DMD: variants seen among roughly 807,000 people sequenced by gnomAD.
The protein encoded by DMD is dystrophin.
A neutral mutation model predicts 330.1 loss-of-function variants in DMD; 63 were observed. The observed-to-expected ratio is 0.19, with a 90% confidence interval of 0.16 to 0.24. The LOEUF is 0.24. Ranked by LOEUF, DMD falls within the 10% of genes least tolerant of loss-of-function variation. The pLI, the probability that DMD is intolerant of heterozygous loss-of-function variation, is 1.00. For missense variants in DMD, 3,344 were observed against 2,684.1 expected, an observed-to-expected ratio of 1.25 and a Z score of -5.43; for synonymous variants, 1,223 against 959.8, an observed-to-expected ratio of 1.27 and a Z score of -5.07.
chrX:32,687,970 A>G (rs1318674316), intron 9 of DMD, among the ~76,000 whole-genome samples: 6 of 111,586 alleles, frequency 5.4e-5, no homozygotes, highest in Non-Finnish European at 9.4e-5. Context: ...AAAATAATAA[A>G]ACATAAAAAT....
intron 59 of DMD, among the ~76,000 whole-genome samples, chrX:31,472,519 A>C (rs951244674): frequency 8.9e-6 from 1 of 112,414 alleles, no homozygotes; most frequent in Non-Finnish European, 1.9e-5. Flanking sequence ...CTAATACATT[A>C]TATCACATTT....
rs112938325 is a variant in DMD, at chrX:32,838,787, G to A, written c.264+5996C>T. Among the ~76,000 whole-genome samples the A allele has an allele frequency of 7.7e-3, 869 of 112,138 alleles. 8 individuals carry two copies. The highest frequency in any genetic ancestry group is 0.027 in the African/African-American group (830 of 30,846). On this transcript the variant is annotated intron_variant, in intron 4 of 78. Coordinates refer to ENST00000357033, the MANE Select transcript of DMD (RefSeq NM_004006.3). ...TAAAAAGTCAGCAAAAGATGCTGGA[G>A]AGAATATGGAGAAATAGGAATGCTT...
At chrX:32,378,949 C>T (rs1238318372) in intron 34 of DMD, among the ~76,000 whole-genome samples, 1 of 109,048 alleles carries the variant, frequency 9.2e-6, no homozygotes, top group African/African-American at 3.3e-5. Flanking sequence ...GAATGATTAT[C>T]ATAAATGTGA....
At chrX:31,887,437 T>C (rs62587673) in intron 47 of DMD, among the ~76,000 whole-genome samples, 14,138 of 111,767 alleles carry the variant, frequency 0.13, 948 homozygotes, top group Admixed American at 0.33. Flanking sequence ...TCTGACGCTA[T>C]CTTCCATTCT....
At chrX:33,163,636 C>CTATGTATCTATGTATCTATG (rs1330495514) in intron 1 of DMD, among the ~76,000 whole-genome samples, 6 of 103,826 alleles carry the variant, frequency 5.8e-5, no homozygotes, top group South Asian at 4.2e-4. Flanking sequence ...ATCTATCTAT[C>CTATGTATCTATGTATCTATG]TATCTATCTA....
In DMD at chrX:32,377,949, C is replaced by T. The variant is rs191889741; in HGVS notation, c.4845+2561G>A. ...TCATAGAATTGCTTTTCCTGAATGG[C>T]CCTTTAGCACTAAATTTTTCTTTTT... On this transcript the variant is annotated intron_variant, in intron 34 of 78. Coordinates refer to ENST00000357033, the MANE Select transcript of DMD (RefSeq NM_004006.3). 2.7e-5 allele frequency among the ~76,000 whole-genome samples: 3 copies of T among 110,701 alleles called. No individual in the cohort carries two copies. The East Asian group carries it at 8.5e-4, about 31-fold the overall frequency.
At chrX:32,701,554 A>AC (rs1489323718) in intron 7 of DMD, among the ~76,000 whole-genome samples, 1 of 111,564 alleles carries the variant, frequency 9.0e-6, no homozygotes, top group Non-Finnish European at 1.9e-5. Flanking sequence ...TAGATACTAT[A>AC]CTTCACCGTA....
chrX:31,737,657 A>C (rs1603457403), intron 51 of DMD, among the ~76,000 whole-genome samples: 1 of 112,506 alleles, frequency 8.9e-6, no homozygotes, highest in East Asian at 2.8e-4. Flanking sequence ...TCAACCTCCT[A>C]GGGTAGAACA....
intron 2 of DMD, among the ~76,000 whole-genome samples, chrX:33,006,952 C>T (rs7877637): frequency 0.12 from 13,052 of 109,980 alleles, 1,618 homozygotes; most frequent in African/African-American, 0.37. Context: ...TTTTAGTCCA[C>T]CAGCAAATCC....
intron 2 of DMD, among the ~76,000 whole-genome samples, chrX:32,992,906 CA>C (rs34177386): frequency 0.1 from 3,543 of 35,449 alleles, 98 homozygotes; most frequent in African/African-American, 0.2. Context: ...AGCTCTGTCT[CA>C]AAAAAAAAAA....
At chrX:32,443,662 C>G (rs1192380006) in intron 27 of DMD, among the ~76,000 whole-genome samples, 1 of 110,965 alleles carries the variant, frequency 9.0e-6, no homozygotes, top group Non-Finnish European at 1.9e-5. Context: ...AAGGACACAG[C>G]TGGAGAGGCT....
chrX:32,375,397 A>C (rs1011502132), intron 34 of DMD, among the ~76,000 whole-genome samples: 2 of 112,375 alleles, frequency 1.8e-5, no homozygotes, highest in Admixed American at 1.9e-4. Context: ...TGCTCTTTTG[A>C]AACCAATAAT....
At chrX:33,275,537 C>T (rs2053220562) in intron 1 of DMD, among the ~76,000 whole-genome samples, 1 of 111,770 alleles carries the variant, frequency 8.9e-6, no homozygotes, top group African/African-American at 3.3e-5. Context: ...CTGGGACAAG[C>T]TGAGACATAC....
chrX:32,733,366 C>T (rs370661085), intron 7 of DMD, among the ~76,000 whole-genome samples: 10 of 109,159 alleles, frequency 9.2e-5, no homozygotes, highest in Admixed American at 1.9e-4. Flanking sequence ...AGACAGAAAG[C>T]CAACAAGGAT....
intron 7 of DMD, among the ~76,000 whole-genome samples, chrX:32,747,863 G>T (rs1329706335): frequency 9.0e-6 from 1 of 111,250 alleles, no homozygotes; most frequent in Non-Finnish European, 1.9e-5. Flanking sequence ...GAAAAAATTA[G>T]AAAAGTTGAC....
intron 49 of DMD, among the ~76,000 whole-genome samples, chrX:31,822,805 T>A (rs1266034166): frequency 2.7e-5 from 3 of 110,227 alleles, no homozygotes; most frequent in Non-Finnish European, 5.7e-5. Context: ...GAGGTTTCTC[T>A]TCAAATAATC....
chrX:31,487,801 A>T (rs1039997693), intron 57 of DMD, among the ~76,000 whole-genome samples: 19 of 112,174 alleles, frequency 1.7e-4, no homozygotes, highest in African/African-American at 6.2e-4. Flanking sequence ...CAGATAGTCA[A>T]CAACATGAAC....
intron 1 of DMD, among the ~76,000 whole-genome samples, chrX:33,023,706 A>ATAAT (rs1442344003): frequency 8.9e-6 from 1 of 111,902 alleles, no homozygotes; most frequent in East Asian, 2.8e-4. Flanking sequence ...TTGGAATGAG[A>ATAAT]TAATTATATA....
intron 1 of DMD, among the ~76,000 whole-genome samples, chrX:33,038,805 C>A (rs1186333510): frequency 9.0e-6 from 1 of 110,825 alleles, no homozygotes; most frequent in Non-Finnish European, 1.9e-5. Flanking sequence ...CCAGCTTGGC[C>A]AACATGGCGA....
Sources: gnomAD v4.1 joint callset for allele counts (sites outside exome capture counted in the v4.1 genomes callset) on GRCh38, gnomAD v4.1.1 for gene constraint, MANE v1.5 for transcripts, NCBI Gene and HGNC (gene_info 2026-07-23, HGNC 2026-07-21) for gene names.